The following CFAP46 variants were observed in gnomAD, a reference collection of about 807,000 sequenced individuals.
The protein encoded by CFAP46 is cilia- and flagella-associated protein 46.
In CFAP46, 245 loss-of-function variants were observed where a neutral mutation model predicts 325.7. That is an observed-to-expected ratio of 0.75 (90% CI 0.68 to 0.84). CFAP46 has a LOEUF of 0.84. CFAP46 is among the 40% of genes least tolerant of loss of function. The probability of loss-of-function intolerance (pLI) is 0.00; values close to 1 mark genes in which losing one functional copy is unlikely to be tolerated. For synonymous variants in CFAP46, 1,523 were observed against 1,495.9 expected, an observed-to-expected ratio of 1.02 and a Z score of -0.42; for missense variants, 3,346 against 3,543.0, an observed-to-expected ratio of 0.94 and a Z score of 1.41.
At chr10:132,912,222 T>TCCTCCTCTCTC (rs1554883916) in intron 19 of CFAP46, among the ~76,000 whole-genome samples, 1 of 103,486 alleles carries the variant, frequency 9.7e-6, no homozygotes, top group African/African-American at 3.6e-5. Flanking sequence ...CTCCTCTCTC[T>TCCTCCTCTCTC]TCTCCTCTCT....
chr10:132,941,178 TATCCACAG>T (rs1850094991), intron 3 of CFAP46, 118 bp from the exon 4 acceptor site: 1 of 951,028 alleles, frequency 1.1e-6, no homozygotes, highest in African/African-American at 1.6e-5. Context: ...GTCACCTGTG[TATCCACAG>T]GTGACGGTGT....
intron 8 of CFAP46, among the ~76,000 whole-genome samples, chr10:132,933,016 T>C (rs1404581203): frequency 2.6e-5 from 4 of 152,354 alleles, no homozygotes; most frequent in South Asian, 4.1e-4. Context: ...GGAGCAGGTC[T>C]ACATGTCTTC....
intron 33 of CFAP46, 26 bp from the exon 34 acceptor site, chr10:132,867,533 G>A (rs763081820): frequency 9.7e-6 from 15 of 1,544,662 alleles, no homozygotes; most frequent in East Asian, 7.3e-5. Context: ...CAGACAATAC[G>A]CAAGAGCCAC....
intron 34 of CFAP46, 136 bp from the exon 35 acceptor site, chr10:132,866,307 G>T: frequency 1.1e-6 from 1 of 949,578 alleles, no homozygotes; most frequent in Non-Finnish European, 1.4e-6. Context: ...TGCTGGCCTA[G>T]GCACCATGGG....
At chr10:132,903,885 T>C (rs556559567) in intron 22 of CFAP46, among the ~76,000 whole-genome samples, 2 of 152,352 alleles carry the variant, frequency 1.3e-5, no homozygotes, top group East Asian at 1.9e-4. Flanking sequence ...ACCCATTTTG[T>C]GTGTATTTTA....
chr10:132,829,729 G>A (rs564074094), intron 50 of CFAP46, among the ~76,000 whole-genome samples: 17 of 152,218 alleles, frequency 1.1e-4, no homozygotes, highest in Non-Finnish European at 2.5e-4. Flanking sequence ...TTTGTATTCC[G>A]AATGGATGTT....
intron 43 of CFAP46, 31 bp downstream of exon 43, chr10:132,846,901 C>T (rs750525207): frequency 6.3e-7 from 1 of 1,585,682 alleles, no homozygotes; most frequent in South Asian, 1.2e-5. Context: ...CATGAAGGGC[C>T]TGGCTGGAGG....
chr10:132,856,134 C>T (rs1388345406), intron 39 of CFAP46, among the ~76,000 whole-genome samples: 2 of 152,230 alleles, frequency 1.3e-5, no homozygotes, highest in Non-Finnish European at 2.9e-5. Flanking sequence ...TCCTCTCGGC[C>T]TTCACAGAGG....
intron 22 of CFAP46, 152 bp downstream of exon 22, chr10:132,908,316 C>T (rs947625315): frequency 1.5e-5 from 14 of 924,244 alleles, no homozygotes; most frequent in Non-Finnish European, 2.2e-5. Flanking sequence ...CTCACACGCG[C>T]CCTGATCTGT....
At chr10:132,858,716 G>A (rs532668950) in intron 38 of CFAP46, among the ~76,000 whole-genome samples, 25 of 152,274 alleles carry the variant, frequency 1.6e-4, no homozygotes, top group African/African-American at 5.3e-4. Context: ...TGTGCAATGC[G>A]CGTGTGCCTG....
In CFAP46 at chr10:132,857,621, T is replaced by G; in HGVS notation, c.5543A>C (p.His1848Pro). 1 of 1,612,926 alleles carries G rather than the reference T, an allele frequency of 6.2e-7. No individual in the cohort carries two copies. The highest frequency in any genetic ancestry group is 8.5e-7 in the Non-Finnish European group (1 of 1,179,494). ...AAGTGACAATAGGCCCTGGACGCTG[T>G]GAAGCCTCCCTTCTTCCTCAGCCAT... ...GAMAEEEGRL[H>P]SVQGLLSLQD... Residue 1848 changes from histidine (H) to proline (P), a missense_variant, in exon 39 of 58, where the codon CAC becomes CCC. Coordinates refer to ENST00000368586, the MANE Select transcript of CFAP46 (RefSeq NM_001200049.3).
Position 132,846,941 on chromosome 10 carries a change from A to G in CFAP46, c.6258T>C (p.Ala2086=), listed in dbSNP as rs773802840. Residue 2086 remains alanine, a synonymous_variant, in exon 43 of 58, where the codon GCT becomes GCC. Transcript: ENST00000368586. ...CAGGGCAGAGACACACCTGAGACAG[A>G]GCCAGGAACTGGCAGGTAGTTGCAG... ...LDPATTCQFL[A]LSQSCSASET... 6.2e-7 allele frequency: 1 copy of G among 1,610,072 alleles called. No individual in the cohort carries two copies. Among genetic ancestry groups the G allele is most frequent in the South Asian group, 1.1e-5 (1 of 90,696 alleles).
At chr10:132,823,161 G>GTGC (rs1191659628) in intron 50 of CFAP46, among the ~76,000 whole-genome samples, 1 of 122,454 alleles carries the variant, frequency 8.2e-6, no homozygotes, top group East Asian at 2.5e-4. Context: ...TGCTGTGTGA[G>GTGC]TGATGTGTGC....
intron 50 of CFAP46, among the ~76,000 whole-genome samples, chr10:132,823,248 G>A (rs1178989212): frequency 2.0e-3 from 247 of 121,768 alleles, no homozygotes; most frequent in African/African-American, 7.4e-3. Flanking sequence ...CTGTGTGAGC[G>A]CTGATGTGTG....
chr10:132,838,356 T>C (rs186320600), intron 44 of CFAP46, among the ~76,000 whole-genome samples: 32 of 152,362 alleles, frequency 2.1e-4, no homozygotes, highest in African/African-American at 7.5e-4. Flanking sequence ...ACTATCAAAG[T>C]AGAATATACA....
chr10:132,881,639 C>T (rs192164060), intron 27 of CFAP46, among the ~76,000 whole-genome samples: 12 of 151,372 alleles, frequency 7.9e-5, no homozygotes, highest in Non-Finnish European at 1.6e-4. Context: ...CCCTGCGAGC[C>T]GGGGTTAGCC....
At position 132,924,860 on chromosome 10, in the gene CFAP46, T is replaced by C. The variant is rs1849784101; in HGVS notation, c.1092A>G (p.Leu364=). ...VEAQLDIIQR[L]DVALQRAVRL... is the part of the protein sequence containing the mutation. ...GCACGGCTCGCTGCAGCGCGACGTC[T>C]AGCCTCTGTATGATATCCAGCTGGG... The change falls in exon 11 of 58, where the codon CTA becomes CTG. Residue 364 remains leucine, a synonymous_variant. Coordinates refer to ENST00000368586, the MANE Select transcript of CFAP46 (RefSeq NM_001200049.3). 4 of 1,410,602 alleles carry C rather than the reference T, an allele frequency of 2.8e-6. No homozygotes were observed. Among genetic ancestry groups the C allele is most frequent in the Non-Finnish European group, 3.7e-6 (4 of 1,074,966 alleles). 87.4% of individuals were successfully genotyped at this position (1,410,602 alleles called of 1,614,324 possible). A position where few individuals can be genotyped will look rare whatever the true frequency, so the allele number is the denominator to read the frequency against.
intron 39 of CFAP46, among the ~76,000 whole-genome samples, chr10:132,856,534 G>A (rs2135190358): frequency 6.6e-6 from 1 of 152,158 alleles, no homozygotes; most frequent in East Asian, 1.9e-4. Flanking sequence ...CTTTTTAAAA[G>A]TTTCTGTTGC....
At position 132,834,445 on chromosome 10, in the gene CFAP46, G is replaced by C. The variant is rs1045782229; in HGVS notation, c.6866+209C>G. ...ACTTGGGCCAGGGGCTGGAGGGACC[G>C]TGGGCAGTGGGCAGTGGGCAGTACT... On this transcript the variant is annotated intron_variant, in intron 48 of 57. Coordinates refer to ENST00000368586, the MANE Select transcript of CFAP46 (RefSeq NM_001200049.3). 9.2e-5 allele frequency among the ~76,000 whole-genome samples: 14 copies of C among 152,312 alleles called. No individual in the cohort carries two copies. The East Asian group carries it at 2.5e-3, about 27-fold the overall frequency.
Sources: allele counts gnomAD v4.1 joint callset (sites outside exome capture counted in the v4.1 genomes callset), GRCh38; gene constraint gnomAD v4.1.1; transcripts MANE v1.5; gene names NCBI Gene and HGNC (gene_info 2026-07-23, HGNC 2026-07-21).